The following CSMD1 variants were observed in gnomAD, a reference collection of about 807,000 sequenced individuals.
CSMD1 encodes CUB and sushi domain-containing protein 1.
A neutral mutation model predicts 417.5 loss-of-function variants in CSMD1; 213 were observed. That is an observed-to-expected ratio of 0.51 (90% CI 0.46 to 0.57). The LOEUF (loss-of-function observed/expected upper bound fraction) is 0.57. CSMD1 is among the 20% of genes least tolerant of loss of function. The probability of loss-of-function intolerance (pLI) is 0.00; values close to 1 mark genes in which losing one functional copy is unlikely to be tolerated. For missense variants in CSMD1, 6,923 were observed against 4,529.7 expected (o/e 1.53, Z -15.17); for synonymous variants, 2,862 against 1,736.8 (o/e 1.65, Z -16.11).
intron 3 of CSMD1, among the ~76,000 whole-genome samples, chr8:4,263,487 T>C (rs1218900479): frequency 1.3e-5 from 2 of 152,232 alleles, no homozygotes; most frequent in Non-Finnish European, 2.9e-5. Context: ...GTCCAAATCC[T>C]GAAGCTCTGT....
intron 1 of CSMD1, among the ~76,000 whole-genome samples, chr8:4,938,063 TC>T (rs1338155315): frequency 6.6e-6 from 1 of 152,190 alleles, no homozygotes; most frequent in Admixed American, 6.5e-5. Context: ...AGTATTAATT[TC>T]CAAATGATTA....
intron 6 of CSMD1, among the ~76,000 whole-genome samples, chr8:3,728,742 A>G (rs1802642453): frequency 6.6e-6 from 1 of 152,162 alleles, no homozygotes; most frequent in Non-Finnish European, 1.5e-5. Flanking sequence ...GTCTGTCTTA[A>G]GTTATGGAGC....
intron 5 of CSMD1, among the ~76,000 whole-genome samples, chr8:3,903,988 A>G (rs1807943480): frequency 6.6e-6 from 1 of 151,944 alleles, no homozygotes; most frequent in African/African-American, 2.4e-5. Context: ...TAGTTTCTTG[A>G]TTAATGTCCT....
intron 1 of CSMD1, among the ~76,000 whole-genome samples, chr8:4,883,843 A>T (rs1803562994): frequency 6.6e-6 from 1 of 152,094 alleles, no homozygotes; most frequent in Non-Finnish European, 1.5e-5. Context: ...TCTTAGATTT[A>T]TAACTGGGGG....
chr8:4,828,137 C>T (rs1481083809), intron 1 of CSMD1, among the ~76,000 whole-genome samples: 12 of 152,064 alleles, frequency 7.9e-5, no homozygotes, highest in Admixed American at 5.9e-4. Flanking sequence ...TACAACTTAT[C>T]CCACGAGGAA....
At chr8:4,857,271 G>A (rs1585220786) in intron 1 of CSMD1, among the ~76,000 whole-genome samples, 1 of 146,404 alleles carries the variant, frequency 6.8e-6, no homozygotes, top group African/African-American at 2.5e-5. Flanking sequence ...AAAGCAGTGT[G>A]TAGAGGAAAA....
intron 3 of CSMD1, among the ~76,000 whole-genome samples, chr8:4,366,638 G>C (rs191149728): frequency 2.0e-5 from 3 of 151,884 alleles, no homozygotes; most frequent in Non-Finnish European, 2.9e-5. Context: ...CATGAGAGAT[G>C]GTATCTCATC....
At chr8:3,398,908 C>G (rs903015686) in intron 16 of CSMD1, among the ~76,000 whole-genome samples, 2 of 152,142 alleles carry the variant, frequency 1.3e-5, no homozygotes, top group South Asian at 4.1e-4. Flanking sequence ...GATAATGTCA[C>G]TCATAGGCGA....
intron 27 of CSMD1, among the ~76,000 whole-genome samples, chr8:3,225,680 G>T (rs1164078375): frequency 6.6e-6 from 1 of 152,174 alleles, no homozygotes; most frequent in Non-Finnish European, 1.5e-5. Flanking sequence ...TGATTTAAAA[G>T]AAACAAAGGG....
chr8:3,322,510 AAG>A (rs1806217630), intron 23 of CSMD1, among the ~76,000 whole-genome samples: 1 of 152,228 alleles, frequency 6.6e-6, no homozygotes. Flanking sequence ...AAGTTTCCAG[AAG>A]AGAGAGCTAA....
intron 3 of CSMD1, among the ~76,000 whole-genome samples, chr8:4,058,571 G>C (rs976636802): frequency 2.6e-5 from 4 of 151,434 alleles, no homozygotes; most frequent in African/African-American, 9.7e-5. Flanking sequence ...CCAACATATA[G>C]GCTCAAAATA....
At chr8:4,273,389 T>C (rs11994662) in intron 3 of CSMD1, among the ~76,000 whole-genome samples, 7,665 of 152,246 alleles carry the variant, frequency 0.05, 354 homozygotes, top group African/African-American at 0.12. Flanking sequence ...CTGGATTTCA[T>C]ATCAGATAAC....
intron 3 of CSMD1, among the ~76,000 whole-genome samples, chr8:4,276,306 C>T (rs1254626198): frequency 1.3e-5 from 2 of 152,162 alleles, no homozygotes; most frequent in African/African-American, 4.8e-5. Flanking sequence ...AAAAAAGGAT[C>T]AGTTAATGTC....
chr8:3,242,323 A>G (rs1799591903), intron 26 of CSMD1, among the ~76,000 whole-genome samples: 1 of 150,214 alleles, frequency 6.7e-6, no homozygotes, highest in African/African-American at 2.4e-5. Context: ...GGCTGTAGAA[A>G]AGGAAGACTA....
chr8:3,903,014 C>T (rs898482113), intron 5 of CSMD1, among the ~76,000 whole-genome samples: 1 of 152,088 alleles, frequency 6.6e-6, no homozygotes, highest in Non-Finnish European at 1.5e-5. Flanking sequence ...ACGATGAATG[C>T]ACGTTTCTGT....
chr8:3,616,873 C>G (rs958252492), intron 7 of CSMD1, 76 bp from the exon 8 acceptor site: 8 of 981,220 alleles, frequency 8.2e-6, no homozygotes, highest in Non-Finnish European at 1.2e-5. Context: ...TTATTCTAGG[C>G]ATTTTCAGTT....
At chr8:4,077,309 A>ATATATGTGTG (rs1563092878) in intron 3 of CSMD1, among the ~76,000 whole-genome samples, 9 of 145,578 alleles carry the variant, frequency 6.2e-5, no homozygotes, top group East Asian at 2.0e-4. Flanking sequence ...ATATATATAT[A>ATATATGTGTG]TATATATATA....
intron 26 of CSMD1, among the ~76,000 whole-genome samples, chr8:3,276,970 G>T (rs1473215144): frequency 6.6e-6 from 1 of 152,090 alleles, no homozygotes; most frequent in Non-Finnish European, 1.5e-5. Flanking sequence ...TATAAACATT[G>T]TGTTTGGGGA....
At chr8:3,403,671 G>C (rs749699132) in intron 15 of CSMD1, among the ~76,000 whole-genome samples, 1 of 152,186 alleles carries the variant, frequency 6.6e-6, no homozygotes, top group Non-Finnish European at 1.5e-5. Context: ...AGAGATGAGA[G>C]TGTAGTGTTC....
Sources: allele counts gnomAD v4.1 joint callset (sites outside exome capture counted in the v4.1 genomes callset), GRCh38; gene constraint gnomAD v4.1.1; transcripts MANE v1.5; gene names NCBI Gene and HGNC (gene_info 2026-07-23, HGNC 2026-07-21).